The following RAB11B variants were observed in gnomAD, a reference collection of about 807,000 sequenced individuals.
The protein encoded by RAB11B is ras-related protein Rab-11B.
In RAB11B, 7 loss-of-function variants were observed where a neutral mutation model predicts 23.7. The ratio of observed to expected loss-of-function variants is 0.29; its 90% CI spans 0.17 to 0.55. The LOEUF is 0.55. Among genes scored for constraint, RAB11B ranks in the 20% least tolerant of loss-of-function variants. The probability of loss-of-function intolerance (pLI) is 0.93; values close to 1 mark genes in which losing one functional copy is unlikely to be tolerated. For missense variants in RAB11B, 189 were observed against 320.0 expected (o/e 0.59, Z 3.12); for synonymous variants, 138 against 132.0 (o/e 1.05, Z -0.31).
At chr19:8,401,644 CA>C (rs1427437240) in intron 2 of RAB11B, among the ~76,000 whole-genome samples, 1 of 152,172 alleles carries the variant, frequency 6.6e-6, no homozygotes, top group Non-Finnish European at 1.5e-5. Flanking sequence ...CTCGGCTTCC[CA>C]AAGTGCTGGG....
chr19:8,392,685 CTT>C (rs74176644), intron 1 of RAB11B, among the ~76,000 whole-genome samples: 4 of 79,666 alleles, frequency 5.0e-5, no homozygotes, highest in Non-Finnish European at 9.0e-5. Context: ...TTTTTCTTTT[CTT>C]TTTTTTTTTT....
intron 1 of RAB11B, among the ~76,000 whole-genome samples, chr19:8,394,256 A>G (rs1298613985): frequency 6.6e-6 from 1 of 152,164 alleles, no homozygotes; most frequent in African/African-American, 2.4e-5. Flanking sequence ...CCTGGGTTCA[A>G]ATGATTCTCC....
chr19:8,398,724 C>A (rs962745717), intron 1 of RAB11B, among the ~76,000 whole-genome samples: 19 of 152,112 alleles, frequency 1.2e-4, no homozygotes, highest in Admixed American at 3.3e-4. Context: ...CCTTCCCATG[C>A]CCTGACCAGA....
chr19:8,395,528 A>T (rs1971390405), intron 1 of RAB11B, among the ~76,000 whole-genome samples: 1 of 152,052 alleles, frequency 6.6e-6, no homozygotes, highest in Non-Finnish European at 1.5e-5. Context: ...GGATTACAGG[A>T]TTACAGGCAT....
rs1971445811 is a variant in RAB11B, at chr19:8,402,430, G to A, written c.431-55G>A. 30 of 1,574,778 alleles carry A rather than the reference G, an allele frequency of 1.9e-5. No homozygotes were observed. In the South Asian group the frequency reaches 3.3e-4, roughly 18 times the overall value. Reference sequence around the variant, plus strand: ...GGGTGGGCGGGGTCCCTGAGAGCATGTGGGAGCCTGTCACCCTGCCTCCCC... The same window carrying A: ...GGGTGGGCGGGGTCCCTGAGAGCATATGGGAGCCTGTCACCCTGCCTCCCC... On this transcript the variant is annotated intron_variant, in intron 3 of 4. Coordinates refer to ENST00000328024, the MANE Select transcript of RAB11B (RefSeq NM_004218.4).
chr19:8,402,611 G>C (rs1329179776), intron 4 of RAB11B, 46 bp downstream of exon 4: 10 of 1,389,922 alleles, frequency 7.2e-6, no homozygotes, highest in Non-Finnish European at 1.0e-5. Flanking sequence ...AGCCAGGCAG[G>C]GTGGAACACG....
At chr19:8,401,234 C>T (rs1405894982) in intron 2 of RAB11B, among the ~76,000 whole-genome samples, 1 of 152,032 alleles carries the variant, frequency 6.6e-6, no homozygotes, top group African/African-American at 2.4e-5. Context: ...GCGCCCACCA[C>T]CACGCCTGGC....
intron 1 of RAB11B, among the ~76,000 whole-genome samples, chr19:8,394,318 C>T (rs1228991703): frequency 1.3e-5 from 2 of 152,144 alleles, no homozygotes; most frequent in African/African-American, 4.8e-5. Flanking sequence ...ACCATGCCCA[C>T]CTATTTTTTG....
chr19:8,403,738 A>C lies in RAB11B; in HGVS notation c.*180A>C. ...CAGTGCTACCCCGTCCTGCCCGGGGAAAAGCTAGAAGCCCCGGTTTGCTGC... is the reference window on the plus strand; with the variant it reads ...CAGTGCTACCCCGTCCTGCCCGGGGCAAAGCTAGAAGCCCCGGTTTGCTGC... On this transcript the variant is annotated 3_prime_UTR_variant, in exon 5 of 5. Coordinates refer to ENST00000328024, the MANE Select transcript of RAB11B (RefSeq NM_004218.4). 3 of 860,466 alleles carry C rather than the reference A, an allele frequency of 3.5e-6. No homozygotes were observed. The highest frequency in any genetic ancestry group is 5.0e-6 in the Non-Finnish European group (3 of 599,388). The allele number at this position is 860,466 out of a possible 1,614,324, so 53.3% of individuals were successfully genotyped here.
chr19:8,402,429 T>C (rs1886228183), intron 3 of RAB11B, 56 bp from the exon 4 acceptor site: 1 of 1,573,598 alleles, frequency 6.4e-7, no homozygotes, highest in African/African-American at 1.3e-5. Flanking sequence ...CCTGAGAGCA[T>C]GTGGGAGCCT....
intron 2 of RAB11B, 198 bp downstream of exon 2, chr19:8,400,256 C>G: frequency 1.5e-6 from 1 of 665,874 alleles, no homozygotes; most frequent in Non-Finnish European, 2.5e-6. Flanking sequence ...TTCGCCACAC[C>G]AGGGTATCTC....
At chr19:8,391,394 C>T (rs995887414) in intron 1 of RAB11B, among the ~76,000 whole-genome samples, 10 of 152,220 alleles carry the variant, frequency 6.6e-5, no homozygotes, top group Admixed American at 6.5e-4. Context: ...CACTGATGGC[C>T]GGGGCCCCAG....
At chr19:8,401,667 G>A (rs1971438512) in intron 2 of RAB11B, among the ~76,000 whole-genome samples, 1 of 152,098 alleles carries the variant, frequency 6.6e-6, no homozygotes. Flanking sequence ...TTACAGGCAT[G>A]AGCCACGACC....
chr19:8,398,727 T>G (rs1971414865), intron 1 of RAB11B, among the ~76,000 whole-genome samples: 1 of 152,162 alleles, frequency 6.6e-6, no homozygotes, highest in African/African-American at 2.4e-5. Flanking sequence ...TCCCATGCCC[T>G]GACCAGAAAC....
intron 4 of RAB11B, 125 bp from the exon 5 acceptor site, chr19:8,403,288 C>T (rs748281932): frequency 2.2e-5 from 28 of 1,262,684 alleles, no homozygotes; most frequent in Non-Finnish European, 3.1e-5. Context: ...TCCTTGTTAC[C>T]CCTGATGTGA....
chr19:8,390,363 G>A lies in RAB11B; in HGVS notation c.-54G>A, dbSNP rs924357754. On this transcript the variant is annotated 5_prime_UTR_variant, in exon 1 of 5. Coordinates refer to ENST00000328024, the MANE Select transcript of RAB11B (RefSeq NM_004218.4). The stretch of plus-strand genomic sequence containing the variant: ...GCGCGGCGCCGGCTCCGCCCCCGTC[G>A]GGTGTTTGTGGTGGGGCTGCGGAGT... 1 of 1,496,836 alleles carries A rather than the reference G, an allele frequency of 6.7e-7. No homozygotes were observed. Among genetic ancestry groups the A allele is most frequent in the Non-Finnish European group, 8.9e-7 (1 of 1,124,782 alleles). 92.7% of individuals were successfully genotyped at this position (1,496,836 alleles called of 1,614,324 possible).
At chr19:8,394,133 G>A (rs1159660662) in intron 1 of RAB11B, among the ~76,000 whole-genome samples, 2 of 152,116 alleles carry the variant, frequency 1.3e-5, no homozygotes, top group Non-Finnish European at 2.9e-5. Context: ...TCTCTGCATC[G>A]GGCACCCAGT....
chr19:8,392,387 C>T (rs1260939647), intron 1 of RAB11B, among the ~76,000 whole-genome samples: 3 of 151,726 alleles, frequency 2.0e-5, no homozygotes, highest in African/African-American at 7.3e-5. Flanking sequence ...CGGGACTTGT[C>T]TGCAGAGACT....
intron 4 of RAB11B, 106 bp from the exon 5 acceptor site, chr19:8,403,307 C>A: frequency 7.1e-7 from 1 of 1,402,364 alleles, no homozygotes; most frequent in Non-Finnish European, 9.8e-7. Flanking sequence ...GATGGGGGCG[C>A]TGTGGGGGTC....
Sources: gnomAD v4.1 joint callset for allele counts (sites outside exome capture counted in the v4.1 genomes callset) on GRCh38, gnomAD v4.1.1 for gene constraint, MANE v1.5 for transcripts, NCBI Gene and HGNC (gene_info 2026-07-23, HGNC 2026-07-21) for gene names.